CD99L2: variants seen among roughly 807,000 people sequenced by gnomAD.
The protein encoded by CD99L2 is CD99 antigen-like protein 2.
A neutral mutation model predicts 27.3 loss-of-function variants in CD99L2; 24 were observed. The observed-to-expected ratio is 0.88, with a 90% confidence interval of 0.64 to 1.24. The LOEUF (loss-of-function observed/expected upper bound fraction) is 1.24. CD99L2 is among the 50% of genes most tolerant of loss of function. CD99L2 has a pLI of 0.00. For missense variants in CD99L2, 255 were observed against 221.6 expected (o/e 1.15, Z -0.96); for synonymous variants, 97 against 87.9 (o/e 1.10, Z -0.58).
In CD99L2 at chrX:150,769,000, C is replaced by T. The variant is rs781897331; in HGVS notation, c.*34G>A. On this transcript the variant is annotated 3_prime_UTR_variant, in exon 11 of 11. Transcript: ENST00000370377. ...GGGGGAGCCGGGTGACAAGCGGTGG[C>T]ACCATTGTGCATGCCTGCAGCTGGA... 4 of 1,129,419 alleles carry T rather than the reference C, an allele frequency of 3.5e-6. No homozygotes were observed. The African/African-American group carries it at 7.7e-5, about 22-fold the overall frequency. 93.1% of individuals were successfully genotyped at this position (1,129,419 alleles called of 1,213,427 possible). A position where few individuals can be genotyped will look rare whatever the true frequency, so the allele number is the denominator to read the frequency against.
chrX:150,835,463 G>A (rs782397538), intron 1 of CD99L2, among the ~76,000 whole-genome samples: 3 of 112,153 alleles, frequency 2.7e-5, no homozygotes, highest in South Asian at 7.4e-4. Flanking sequence ...CTAGGAGTTT[G>A]AGGTTACAGT....
intron 4 of CD99L2, among the ~76,000 whole-genome samples, chrX:150,803,609 C>T (rs1261454567): frequency 3.6e-5 from 4 of 111,288 alleles, no homozygotes; most frequent in Non-Finnish European, 7.5e-5. Flanking sequence ...AATGAAGAGC[C>T]CAAAAAGACC....
chrX:150,780,503 T>A (rs1557419413), intron 7 of CD99L2, among the ~76,000 whole-genome samples: 2 of 112,215 alleles, frequency 1.8e-5, no homozygotes, highest in African/African-American at 6.5e-5. Context: ...TGCACACACA[T>A]GTTCATCGCA....
intron 1 of CD99L2, among the ~76,000 whole-genome samples, chrX:150,837,798 C>G (rs1191660925): frequency 1.8e-5 from 2 of 112,271 alleles, no homozygotes; most frequent in African/African-American, 6.5e-5. Context: ...AGAGAATAGA[C>G]AAATCTCTCA....
chrX:150,868,921 CA>C (rs782715862), intron 1 of CD99L2, among the ~76,000 whole-genome samples: 258 of 112,420 alleles, frequency 2.3e-3, no homozygotes, highest in African/African-American at 7.7e-3. Context: ...GATCAATAAA[CA>C]AAGATGACTA....
intron 4 of CD99L2, among the ~76,000 whole-genome samples, chrX:150,810,878 A>G (rs2046061919): frequency 9.0e-6 from 1 of 111,687 alleles, no homozygotes; most frequent in Non-Finnish European, 1.9e-5. Flanking sequence ...TCCTAGAAAG[A>G]TACAAACTAT....
chrX:150,812,114 T>C (rs1172099774), intron 4 of CD99L2, among the ~76,000 whole-genome samples: 2 of 111,591 alleles, frequency 1.8e-5, no homozygotes, highest in Admixed American at 1.9e-4. Context: ...TGAACCACGA[T>C]CATGCCACTG....
intron 4 of CD99L2, among the ~76,000 whole-genome samples, chrX:150,801,431 G>A (rs140721651): frequency 1.2e-4 from 13 of 111,509 alleles, no homozygotes; most frequent in Admixed American, 2.9e-4. Context: ...GGAGCAAAGC[G>A]GGAACTGCCA....
chrX:150,813,633 C>A (rs927693106), intron 4 of CD99L2, among the ~76,000 whole-genome samples: 1 of 111,611 alleles, frequency 9.0e-6, no homozygotes, highest in East Asian at 2.8e-4. Context: ...GAGAGCACGA[C>A]CTTTTAATAT....
intron 2 of CD99L2, among the ~76,000 whole-genome samples, chrX:150,824,640 G>GAGAAGAAGAAGA (rs369112631): frequency 1.5e-5 from 1 of 64,692 alleles, no homozygotes; most frequent in Admixed American, 1.8e-4. Flanking sequence ...GAAGAAGGAG[G>GAGAAGAAGAAGA]AGAAGAAGAA....
intron 1 of CD99L2, among the ~76,000 whole-genome samples, chrX:150,838,055 G>C (rs1197520129): frequency 8.9e-6 from 1 of 112,585 alleles, no homozygotes; most frequent in Non-Finnish European, 1.9e-5. Context: ...TTGATATAAT[G>C]TGACAGGATG....
chrX:150,823,426 C>G (rs1331969814), intron 2 of CD99L2, among the ~76,000 whole-genome samples: 1 of 110,865 alleles, frequency 9.0e-6, no homozygotes, highest in East Asian at 2.8e-4. Context: ...GCTGGGATTA[C>G]AGACATGTGC....
chrX:150,812,135 T>C (rs1249434598), intron 4 of CD99L2, among the ~76,000 whole-genome samples: 2 of 111,764 alleles, frequency 1.8e-5, no homozygotes, highest in East Asian at 5.6e-4. Flanking sequence ...CACTGCAGCC[T>C]GGGCAACAGA....
chrX:150,842,112 T>A lies in CD99L2; in HGVS notation c.68-10819A>T, dbSNP rs187306170. 3.1e-4 allele frequency among the ~76,000 whole-genome samples: 35 copies of A among 111,941 alleles called. 2 individuals carry two copies. Among genetic ancestry groups the A allele is most frequent in the Admixed American group, 3.1e-3 (33 of 10,569 alleles). On this transcript the variant is annotated intron_variant, in intron 1 of 10. Coordinates refer to ENST00000370377, the MANE Select transcript of CD99L2 (RefSeq NM_031462.4). ...AGTATTCAAGTATTCAGCAGAAAAT[T>A]ACTTCCACCGCAGAGGGCCACCAAG...
At chrX:150,881,543 G>A (rs868936058) in intron 1 of CD99L2, among the ~76,000 whole-genome samples, 1 of 112,552 alleles carries the variant, frequency 8.9e-6, no homozygotes, top group Non-Finnish European at 1.9e-5. Context: ...ATCACCATTG[G>A]TCCAGCACCA....
chrX:150,881,598 G>A (rs1292582471), intron 1 of CD99L2, among the ~76,000 whole-genome samples: 1 of 112,210 alleles, frequency 8.9e-6, no homozygotes, highest in Non-Finnish European at 1.9e-5. Context: ...AACAGTTCTT[G>A]GAGGGAACTG....
rs781806217 is a variant in CD99L2 at position 150,800,218 on chromosome X, C to T, written c.278-4732G>A. Among the ~76,000 whole-genome samples, 3 of 111,110 alleles carry T rather than the reference C, an allele frequency of 2.7e-5. No homozygotes were observed. The East Asian group carries it at 8.5e-4, about 31-fold the overall frequency. On this transcript the variant is annotated intron_variant, in intron 4 of 10. Transcript: ENST00000370377. ...AAAGTATAGCAGAGGTTACCAGGGG[C>T]TAGGAGTAAGGAGAAATGAGGAGTT...
At chrX:150,793,792 A>G (rs782003527) in intron 6 of CD99L2, 36 bp from the exon 7 acceptor site, 7 of 1,090,832 alleles carry the variant, frequency 6.4e-6, no homozygotes. Context: ...AACAACAAGA[A>G]AAAAAAATCA....
intron 2 of CD99L2, 74 bp downstream of exon 2, chrX:150,831,157 C>A: frequency 1.2e-6 from 1 of 814,827 alleles, no homozygotes; most frequent in Non-Finnish European, 1.8e-6. Flanking sequence ...TTTTCTTGCG[C>A]ATATATTCTG....
Sources: gnomAD v4.1 joint callset for allele counts (sites outside exome capture counted in the v4.1 genomes callset) on GRCh38, gnomAD v4.1.1 for gene constraint, MANE v1.5 for transcripts, NCBI Gene and HGNC (gene_info 2026-07-23, HGNC 2026-07-21) for gene names.